The following HEATR4 variants were observed in gnomAD, a reference collection of about 807,000 sequenced individuals.
HEATR4 encodes HEAT repeat-containing protein 4.
Under a neutral mutation model 108.8 loss-of-function variants are expected in HEATR4, and 95 were observed. The ratio of observed to expected loss-of-function variants is 0.87; its 90% CI spans 0.74 to 1.04. The LOEUF is 1.04. Among genes scored for constraint, HEATR4 ranks in the 50% least tolerant of loss-of-function variants. HEATR4 has a pLI of 0.00. For missense variants in HEATR4, 1,152 were observed against 1,253.8 expected (o/e 0.92, Z 1.23); for synonymous variants, 443 against 459.4 (o/e 0.96, Z 0.46).
the HEATR4 span, among the ~76,000 whole-genome samples, chr14:73,585,664 G>A: frequency 6.6e-6 from 1 of 151,350 alleles, no homozygotes; most frequent in African/African-American, 2.4e-5. Flanking sequence ...ATTCCAGCCT[G>A]GGCAACTGAG....
At chr14:73,502,415 A>G (rs58235798) in intron 11 of HEATR4, among the ~76,000 whole-genome samples, 16,526 of 152,088 alleles carry the variant, frequency 0.11, 1,077 homozygotes, top group East Asian at 0.29. Flanking sequence ...CCTCACACCT[A>G]CTGGGCACTC....
chr14:73,500,420 C>T (rs541732981), intron 12 of HEATR4, 130 bp downstream of exon 12: 29 of 967,794 alleles, frequency 3.0e-5, no homozygotes, highest in East Asian at 7.4e-5. Context: ...GTGGCTTATA[C>T]ACCCCCTTCC....
At chr14:73,565,827 G>A in the HEATR4 span, among the ~76,000 whole-genome samples, 7 of 152,120 alleles carry the variant, frequency 4.6e-5, no homozygotes, top group African/African-American at 1.7e-4. Context: ...AAGATTTATT[G>A]CAAAGAACGA....
chr14:73,492,012 C>G lies in HEATR4; in HGVS notation c.2844+1054G>C, dbSNP rs754359850. The G allele has an allele frequency of 1.9e-6, 3 of 1,614,018 alleles. No individual in the cohort carries two copies. The highest frequency in any genetic ancestry group is 2.2e-5 in the South Asian group (2 of 91,082). Reference sequence around the variant, plus strand: ...GGCTCCAACGTTTACCTCACGCCCCCTAACTCGCAGGGCTTTGCCCCCCAC... The same window carrying G: ...GGCTCCAACGTTTACCTCACGCCCCGTAACTCGCAGGGCTTTGCCCCCCAC... On this transcript the variant is annotated intron_variant, in intron 17 of 17. Coordinates refer to ENST00000553558, the MANE Select transcript of HEATR4 (RefSeq NM_001220484.1). This position sits in a 1 kb window ranked among gnomAD's most constrained non-coding sequence, Gnocchi z 4.9.
the HEATR4 span, among the ~76,000 whole-genome samples, chr14:73,606,936 C>A: frequency 6.6e-6 from 1 of 152,132 alleles, no homozygotes; most frequent in Non-Finnish European, 1.5e-5. Context: ...TAACATGATC[C>A]CCCAAATTTC....
At chr14:73,580,659 G>A in the HEATR4 span, 1 of 152,192 alleles carries the variant, frequency 6.6e-6, no homozygotes, top group Non-Finnish European at 1.5e-5. Flanking sequence ...AGGAGCCAGT[G>A]CCATCATGGT....
intron 2 of HEATR4, among the ~76,000 whole-genome samples, chr14:73,528,415 C>CT (rs1888493808): frequency 2.4e-5 from 2 of 84,662 alleles, no homozygotes; most frequent in African/African-American, 4.9e-5. Context: ...AAAAAAAAAA[C>CT]TTAAGGAATA....
the HEATR4 span, chr14:73,573,361 T>A: frequency 6.2e-7 from 1 of 1,613,532 alleles, no homozygotes; most frequent in Non-Finnish European, 8.5e-7. Flanking sequence ...TAGCTTAGTT[T>A]TGCATTTTGT....
At chr14:73,607,908 G>A in the HEATR4 span, among the ~76,000 whole-genome samples, 1 of 151,876 alleles carries the variant, frequency 6.6e-6, no homozygotes, top group African/African-American at 2.4e-5. Context: ...ATAGGCATGA[G>A]CCACCATGCC....
chr14:73,500,794 C>T (rs753068045), intron 11 of HEATR4, 64 bp from the exon 12 acceptor site: 8 of 1,454,020 alleles, frequency 5.5e-6, no homozygotes, highest in Non-Finnish European at 6.6e-6. Context: ...CCCCAACCCC[C>T]ACTAATGCCC....
rs1199270402 is a variant in HEATR4, at chr14:73,535,612, G to A, written c.-151-5368C>T. On this transcript the variant is annotated intron_variant, in intron 1 of 17. Transcript: ENST00000553558. ...GCCTCCCGAGTAGCTGGGACTACAG[G>A]CGCCTGCCACCACGCCCGGCGAATT... Among the ~76,000 whole-genome samples, 4 of 106,818 alleles carry A rather than the reference G, an allele frequency of 3.7e-5. 1 individual carries two copies. The highest frequency in any genetic ancestry group is 1.2e-4 in the African/African-American group (4 of 33,304). The allele number at this position is 106,818 out of a possible 152,430, so 70.1% of individuals were successfully genotyped here. A position where few individuals can be genotyped will look rare whatever the true frequency, so the allele number is the denominator to read the frequency against.
upstream of HEATR4, among the ~76,000 whole-genome samples, chr14:73,563,235 C>T (rs139633464): frequency 8.1e-3 from 1,231 of 151,974 alleles, 8 homozygotes; most frequent in African/African-American, 0.027. Context: ...AAGGAACCTA[C>T]GTTGAAATAT....
chr14:73,597,094 A>ATTTATTTATTTATTTATTTATTTATTTT, the HEATR4 span, among the ~76,000 whole-genome samples: 1 of 149,328 alleles, frequency 6.7e-6, no homozygotes, highest in African/African-American at 2.5e-5. Flanking sequence ...TTATTTATTT[A>ATTTATTTATTTATTTATTTATTTATTTT]TTTTTTTGAG....
At chr14:73,496,275 G>T (rs1886101467) in intron 15 of HEATR4, among the ~76,000 whole-genome samples, 1 of 151,976 alleles carries the variant, frequency 6.6e-6, no homozygotes, top group Non-Finnish European at 1.5e-5. Flanking sequence ...ATGCCTATTT[G>T]AAAAAAAGGA....
At chr14:73,622,212 G>C in the HEATR4 span, among the ~76,000 whole-genome samples, 4 of 152,026 alleles carry the variant, frequency 2.6e-5, no homozygotes, top group African/African-American at 4.8e-5. Context: ...GAAAGCAAAG[G>C]CCAAAAAGGT....
the HEATR4 span, among the ~76,000 whole-genome samples, chr14:73,572,022 C>T: frequency 3.3e-5 from 5 of 151,114 alleles, no homozygotes; most frequent in African/African-American, 9.7e-5. Flanking sequence ...CTAGCATTAT[C>T]AATTGCTGAC....
At chr14:73,589,862 C>G in the HEATR4 span, among the ~76,000 whole-genome samples, 1 of 152,040 alleles carries the variant, frequency 6.6e-6, no homozygotes, top group African/African-American at 2.4e-5. Context: ...CGTGGTCTTG[C>G]TGGCTCAGAA....
intron 16 of HEATR4, 147 bp from the exon 17 acceptor site, chr14:73,493,271 T>A: frequency 1.6e-6 from 1 of 641,022 alleles, no homozygotes; most frequent in Non-Finnish European, 2.7e-6. Flanking sequence ...GATATTAGAT[T>A]TTTTTTGGAA....
At chr14:73,612,486 C>T in the HEATR4 span, 1 of 932,416 alleles carries the variant, frequency 1.1e-6, no homozygotes, top group Non-Finnish European at 1.4e-6. Flanking sequence ...GCTCCGCCCT[C>T]GACTACTTTC....
Sources: gnomAD v4.1 joint callset for allele counts (sites outside exome capture counted in the v4.1 genomes callset) on GRCh38, gnomAD v4.1.1 for gene constraint, Gnocchi (gnomAD v3.1) non-coding constraint, MANE v1.5 for transcripts, NCBI Gene and HGNC (gene_info 2026-07-23, HGNC 2026-07-21) for gene names.